The following CARD10 variants were observed in gnomAD, a reference collection of about 807,000 sequenced individuals.
The protein encoded by CARD10 is caspase recruitment domain-containing protein 10.
Under a neutral mutation model 114.6 loss-of-function variants are expected in CARD10, and 49 were observed. That is an observed-to-expected ratio of 0.43 (90% CI 0.34 to 0.54). CARD10 has a LOEUF of 0.54. CARD10 is among the 20% of genes least tolerant of loss of function. CARD10 has a pLI of 0.03. For synonymous variants in CARD10, 602 were observed against 593.2 expected (o/e 1.01, Z -0.21); for missense variants, 1,206 against 1,397.2 (o/e 0.86, Z 2.18).
chr22:37,491,995 C>T lies in CARD10; in HGVS notation c.2752-128G>A, dbSNP rs571872188. 6.3e-5 allele frequency: 42 copies of T among 670,816 alleles called. No homozygotes were observed. The South Asian group carries it at 6.7e-4, about 11-fold the overall frequency. The allele number at this position is 670,816 out of a possible 1,614,324, so 41.6% of individuals were successfully genotyped here. A position where few individuals can be genotyped will look rare whatever the true frequency, so the allele number is the denominator to read the frequency against. On this transcript the variant is annotated intron_variant, in intron 18 of 19. Coordinates refer to ENST00000251973, the MANE Select transcript of CARD10 (RefSeq NM_014550.4). Reference sequence around the variant, plus strand: ...AGTCCTGCCTCCCCACCCAGAGGGACCCTGGCAACGAGGAAGGAGCCCAAA... The same window carrying T: ...AGTCCTGCCTCCCCACCCAGAGGGATCCTGGCAACGAGGAAGGAGCCCAAA...
chr22:37,497,162 C>T lies in CARD10; in HGVS notation c.1804G>A (p.Val602Met), dbSNP rs764553007. The T allele has an allele frequency of 1.9e-6, 3 of 1,613,196 alleles. No individual in the cohort carries two copies. The highest frequency in any genetic ancestry group is 2.5e-6 in the Non-Finnish European group (3 of 1,179,720). The change falls in exon 12 of 20, where the codon GTG becomes ATG. Residue 602 changes from valine (V) to methionine (M), a missense_variant. Transcript: ENST00000251973. ...CCCCCTGGGGGGCTCCGGCCAGACACCCGAATAGCCAGAGACCTGAGAAGG... is the reference window on the plus strand; with the variant it reads ...CCCCCTGGGGGGCTCCGGCCAGACATCCGAATAGCCAGAGACCTGAGAAGG... ...DFLNRSLAIR[V>M]SGRSPPGGPE...
chr22:37,506,110 G>C (rs1022718078), intron 7 of CARD10, 82 bp downstream of exon 7: 2 of 1,152,808 alleles, frequency 1.7e-6, no homozygotes, highest in Admixed American at 2.9e-5. Flanking sequence ...CACCAGGGCC[G>C]GCACGTTCCC....
rs1366121301 is a variant in CARD10, at chr22:37,491,135, G to A, written c.*24C>T. ...ACCAGGGTCCACGCTGGCTTGGGGA[G>A]AAGGTGCAGGTATCAGATGAGCCTC... On this transcript the variant is annotated 3_prime_UTR_variant, in exon 20 of 20. Transcript: ENST00000251973. The A allele has an allele frequency of 6.6e-7, 1 of 1,521,166 alleles. No homozygotes were observed. Among genetic ancestry groups the A allele is most frequent in the East Asian group, 2.4e-5 (1 of 40,902 alleles). 94.2% of individuals were successfully genotyped at this position (1,521,166 alleles called of 1,614,324 possible). A position where few individuals can be genotyped will look rare whatever the true frequency, so the allele number is the denominator to read the frequency against.
intron 3 of CARD10, among the ~76,000 whole-genome samples, chr22:37,512,923 G>GCC (rs1923711851): frequency 2.0e-5 from 3 of 152,068 alleles, no homozygotes; most frequent in Admixed American, 2.0e-4. Context: ...TATAAAACAG[G>GCC]GTATTAAATC....
chr22:37,491,885 G>A lies in CARD10; in HGVS notation c.2752-18C>T, dbSNP rs373638237. On this transcript the variant is annotated intron_variant, in intron 18 of 19. Coordinates refer to ENST00000251973, the MANE Select transcript of CARD10 (RefSeq NM_014550.4). ...CAGTGCTTCTGCTTGGAGGATCGAGGCTACAATGTACTCCTGGGCCACAGA... is the reference window on the plus strand; with the variant it reads ...CAGTGCTTCTGCTTGGAGGATCGAGACTACAATGTACTCCTGGGCCACAGA... 4.5e-6 allele frequency: 7 copies of A among 1,555,352 alleles called. No individual in the cohort carries two copies. The African/African-American group carries it at 5.4e-5, about 12-fold the overall frequency.
In CARD10 at chr22:37,492,656, C is replaced by G. The variant is rs369567435; in HGVS notation, c.2623G>C (p.Val875Leu). 2.0e-5 allele frequency: 32 copies of G among 1,612,816 alleles called. No homozygotes were observed. Among genetic ancestry groups the G allele is most frequent in the Middle Eastern group, 1.6e-4 (1 of 6,076 alleles). The change falls in exon 17 of 20, where the codon GTG becomes CTG. Residue 875 changes from valine (V) to leucine (L), a missense_variant. This residue lies in a region of CARD10 where 1,068 missense variants were observed against 1,179.1 expected (regional missense o/e 0.91). Transcript: ENST00000251973. The surrounding 1 kb of genome is among the most constrained non-coding windows in gnomAD (Gnocchi z 5.7). The part of the protein sequence containing the change: ...DLPSSRLDFQ[V>L]CPAESLSGEE... ...CACATAGTCTCACCCGCTGGGCACACTTGGAAGTCCAGCCGGGAGCTGGGC... is the reference window on the plus strand; with the variant it reads ...CACATAGTCTCACCCGCTGGGCACAGTTGGAAGTCCAGCCGGGAGCTGGGC...
At chr22:37,512,466 CACACACA>C (rs1923692530) in intron 3 of CARD10, among the ~76,000 whole-genome samples, 1 of 6,528 alleles carries the variant, frequency 1.5e-4, no homozygotes, top group African/African-American at 2.9e-3. Context: ...GCCCCCCCTC[CACACACA>C]CACACACACA....
rs1482163611 is a variant in CARD10 at position 37,504,195 on chromosome 22, G to C, written c.1625C>G (p.Pro542Arg). The C allele has an allele frequency of 9.0e-6, 14 of 1,559,468 alleles. No individual in the cohort carries two copies. The highest frequency in any genetic ancestry group is 7.0e-6 in the Non-Finnish European group (8 of 1,150,494). The change falls in exon 9 of 20, where the codon CCC (proline) becomes CGC (arginine). Residue 542 changes from proline to arginine, a missense_variant. By Grantham distance (103) the Pro-to-Arg change is moderately radical. Transcript: ENST00000251973. ...LRRQREEDPA[P>R]PKRSFSSMSD... ...TCCCCAGCCATCTCACCTCTTAGGG[G>C]GTGCGGGGTCTTCCTCACGCTGCCG...
Position 37,504,694 on chromosome 22 carries a change from C to T in CARD10, c.1459G>A (p.Gly487Arg). 6.3e-7 allele frequency: 1 copy of T among 1,579,906 alleles called. No homozygotes were observed. The highest frequency in any genetic ancestry group is 8.6e-7 in the Non-Finnish European group (1 of 1,164,474). Residue 487 changes from glycine (G) to arginine (R), a missense_variant, in exon 8 of 20, where the codon GGA (glycine) becomes AGA (arginine). Around this residue, in one of 2 missense-constraint regions of CARD10, gnomAD observed 1,068 missense variants for 1,179.1 expected, o/e 0.91. Transcript: ENST00000251973. Reference sequence around the variant, plus strand: ...GCCTCCCCAGTTGCTTCTGGGCCTCCCAGAGGGGAGGGGAACTCGCTCAGG... The same window carrying T: ...GCCTCCCCAGTTGCTTCTGGGCCTCTCAGAGGGGAGGGGAACTCGCTCAGG... The part of the protein sequence containing the change: ...WSLSEFPSPL[G>R]GPEATGEAAV...
intron 11 of CARD10, among the ~76,000 whole-genome samples, chr22:37,498,397 C>T (rs1221038219): frequency 6.6e-6 from 1 of 152,216 alleles, no homozygotes; most frequent in Non-Finnish European, 1.5e-5. Context: ...GACAAATGGA[C>T]CCCAAGTCCC....
chr22:37,504,418 G>A (rs1477296197), intron 8 of CARD10, 117 bp from the exon 9 acceptor site: 26 of 1,050,980 alleles, frequency 2.5e-5, no homozygotes, highest in South Asian at 1.4e-4. Flanking sequence ...GCAGAAGAGC[G>A]GGCTCTGCAA....
chr22:37,491,332 C>T lies in CARD10; in HGVS notation c.2926G>A (p.Glu976Lys). 1 of 1,554,330 alleles carries T rather than the reference C, an allele frequency of 6.4e-7. No homozygotes were observed. The highest frequency in any genetic ancestry group is 8.7e-7 in the Non-Finnish European group (1 of 1,154,902). The change falls in exon 20 of 20, where the codon GAG (glutamate) becomes AAG (lysine). Residue 976 changes from glutamate to lysine, a missense_variant. Transcript: ENST00000251973. ...CAGGGCAGCCCCCAGAGCACCTGCTCTGAGCCACGGCACTGCCGCAGCAGC... is the reference window on the plus strand; with the variant it reads ...CAGGGCAGCCCCCAGAGCACCTGCTTTGAGCCACGGCACTGCCGCAGCAGC... Reference protein sequence around the residue: ...SELLRQCRGSEQVLWGLPCSW... With the variant: ...SELLRQCRGSKQVLWGLPCSW...
At chr22:37,505,418 C>T (rs1247259957) in intron 7 of CARD10, among the ~76,000 whole-genome samples, 3 of 152,056 alleles carry the variant, frequency 2.0e-5, no homozygotes, top group Non-Finnish European at 4.4e-5. Flanking sequence ...ACCTCTAATC[C>T]CAGCACTTTG....
Position 37,492,662 on chromosome 22 carries a change from A to G in CARD10, c.2617T>C (p.Phe873Leu). The change falls in exon 17 of 20, where the codon TTC (phenylalanine) becomes CTC (leucine). Residue 873 changes from phenylalanine to leucine, a missense_variant. Coordinates refer to ENST00000251973, the MANE Select transcript of CARD10 (RefSeq NM_014550.4). The surrounding 1 kb of genome is among the most constrained non-coding windows in gnomAD (Gnocchi z 5.7). ...GTCTCACCCGCTGGGCACACTTGGA[A>G]GTCCAGCCGGGAGCTGGGCAGGTCT... ...LLDLPSSRLD[F>L]QVCPAESLSG... 2 of 1,612,928 alleles carry G rather than the reference A, an allele frequency of 1.2e-6. No homozygotes were observed. The highest frequency in any genetic ancestry group is 2.7e-5 in the African/African-American group (2 of 75,024).
rs372808123 is a variant in CARD10 at position 37,493,935 on chromosome 22, C to T, written c.2476+151G>A. On this transcript the variant is annotated intron_variant, in intron 16 of 19. Coordinates refer to ENST00000251973, the MANE Select transcript of CARD10 (RefSeq NM_014550.4). ...TGGCAGGTGGGGTGGTCTTGTCTCT[C>T]AGGCCCCCAGCATGACCCCCACTCC... is the stretch of plus-strand genomic sequence containing the variant. The T allele has an allele frequency of 4.8e-5, 33 of 686,130 alleles. No individual in the cohort carries two copies. The African/African-American group carries it at 4.9e-4, about 10-fold the overall frequency. The allele number at this position is 686,130 out of a possible 1,614,324, so 42.5% of individuals were successfully genotyped here.
intron 14 of CARD10, 62 bp from the exon 15 acceptor site, chr22:37,495,648 C>A: frequency 1.2e-6 from 2 of 1,608,846 alleles, no homozygotes; most frequent in Non-Finnish European, 1.7e-6. Flanking sequence ...TCTCCTCGAA[C>A]CCCCCGCCCT....
rs1400260817 is a variant in CARD10, at chr22:37,492,661, A to T, written c.2618T>A (p.Phe873Tyr). Reference sequence around the variant, plus strand: ...AGTCTCACCCGCTGGGCACACTTGGAAGTCCAGCCGGGAGCTGGGCAGGTC... The same window carrying T: ...AGTCTCACCCGCTGGGCACACTTGGTAGTCCAGCCGGGAGCTGGGCAGGTC... ...LLDLPSSRLD[F>Y]QVCPAESLSG... is the part of the protein sequence containing the mutation. Residue 873 changes from phenylalanine (F) to tyrosine (Y), a missense_variant, in exon 17 of 20, where the codon TTC (phenylalanine) becomes TAC (tyrosine). Around this residue, in one of 2 missense-constraint regions of CARD10, gnomAD observed 1,068 missense variants for 1,179.1 expected, o/e 0.91. Transcript: ENST00000251973. This position sits in a 1 kb window ranked among gnomAD's most constrained non-coding sequence, Gnocchi z 5.7. 1 of 1,612,922 alleles carries T rather than the reference A, an allele frequency of 6.2e-7. No individual in the cohort carries two copies. Among genetic ancestry groups the T allele is most frequent in the South Asian group, 1.1e-5 (1 of 91,060 alleles).
In CARD10 at chr22:37,500,399, C is replaced by G. The variant is rs113298769; in HGVS notation, c.1787+2203G>C. Among the ~76,000 whole-genome samples the G allele has an allele frequency of 1.8e-3, 269 of 152,270 alleles. 1 individual carries two copies. Among genetic ancestry groups the G allele is most frequent in the African/African-American group, 6.3e-3 (260 of 41,556 alleles). On this transcript the variant is annotated intron_variant, in intron 11 of 19. Transcript: ENST00000251973. ...CTCCAGTGCTCTCCATGCTCTGCCT[C>G]TCTCACCCAGCACCTCACTTGCCCC... is the stretch of plus-strand genomic sequence containing the variant.
chr22:37,496,066 C>G lies in CARD10; in HGVS notation c.2060-63G>C, dbSNP rs546828841. 1.8e-4 allele frequency: 283 copies of G among 1,589,774 alleles called. No individual in the cohort carries two copies. Among genetic ancestry groups the G allele is most frequent in the Admixed American group, 2.4e-4 (14 of 58,956 alleles). On this transcript the variant is annotated intron_variant, in intron 13 of 19. Coordinates refer to ENST00000251973, the MANE Select transcript of CARD10 (RefSeq NM_014550.4). This position sits in a 1 kb window ranked among gnomAD's most constrained non-coding sequence, Gnocchi z 4.1. Reference sequence around the variant, plus strand: ...AGAGGAGGATGGTGAGGTCCAGGATCGGCCTTGGTGGGGCCAAAGACATGG... The same window carrying G: ...AGAGGAGGATGGTGAGGTCCAGGATGGGCCTTGGTGGGGCCAAAGACATGG...
Sources: allele counts gnomAD v4.1 joint callset (sites outside exome capture counted in the v4.1 genomes callset), GRCh38; gene constraint gnomAD v4.1.1; regional missense constraint gnomAD v4.1.1; non-coding constraint Gnocchi (gnomAD v3.1); transcripts MANE v1.5; gene names NCBI Gene and HGNC (gene_info 2026-07-23, HGNC 2026-07-21).